LIN52: variants seen among roughly 807,000 people sequenced by gnomAD.
The protein encoded by LIN52 is protein lin-52 homolog.
A neutral mutation model predicts 18.5 loss-of-function variants in LIN52; 4 were observed. That is an observed-to-expected ratio of 0.22 (90% CI 0.11 to 0.49). LIN52 has a LOEUF of 0.49. LIN52 is among the 20% of genes least tolerant of loss of function. LIN52 has a pLI of 0.97. For synonymous variants in LIN52, 34 were observed against 45.5 expected, an observed-to-expected ratio of 0.75 and a Z score of 1.02; for missense variants, 102 against 139.5, an observed-to-expected ratio of 0.73 and a Z score of 1.35.
intron 5 of LIN52, among the ~76,000 whole-genome samples, chr14:74,110,884 T>C (rs569040634): frequency 2.7e-5 from 4 of 150,508 alleles, no homozygotes; most frequent in Non-Finnish European, 4.4e-5. Flanking sequence ...GAGAATGGCA[T>C]GAACCTGGGA....
chr14:74,119,236 A>C (rs1344875908), intron 5 of LIN52, among the ~76,000 whole-genome samples: 2 of 140,960 alleles, frequency 1.4e-5, no homozygotes, highest in African/African-American at 5.3e-5. Flanking sequence ...ATCTTGGCTC[A>C]CTGCAAGCTC....
intron 5 of LIN52, among the ~76,000 whole-genome samples, chr14:74,149,756 A>C (rs1467825324): frequency 6.6e-6 from 1 of 152,198 alleles, no homozygotes; most frequent in East Asian, 1.9e-4. Flanking sequence ...GATTAGGGTT[A>C]GAGAATGTTT....
intron 5 of LIN52, among the ~76,000 whole-genome samples, chr14:74,180,104 T>C (rs1166213226): frequency 1.3e-5 from 2 of 152,304 alleles, no homozygotes; most frequent in East Asian, 3.9e-4. Flanking sequence ...TCCAGTTTAC[T>C]GAAATAGGTT....
At chr14:74,166,208 C>A (rs917212535) in intron 5 of LIN52, among the ~76,000 whole-genome samples, 5 of 147,962 alleles carry the variant, frequency 3.4e-5, no homozygotes, top group African/African-American at 5.0e-5. Flanking sequence ...CTATTTTTAA[C>A]AATTAAGTTA....
intron 5 of LIN52, among the ~76,000 whole-genome samples, chr14:74,118,735 T>C (rs761094845): frequency 2.2e-4 from 33 of 152,084 alleles, no homozygotes; most frequent in Admixed American, 4.6e-4. Context: ...GATCACACCA[T>C]TGTACTCCAG....
chr14:74,126,780 G>C (rs2061032203), intron 5 of LIN52, among the ~76,000 whole-genome samples: 2 of 152,138 alleles, frequency 1.3e-5, no homozygotes, highest in African/African-American at 4.8e-5. Flanking sequence ...GATTTTTGTG[G>C]GGAAGGTGAA....
At chr14:74,123,573 G>A (rs2061011151) in intron 5 of LIN52, among the ~76,000 whole-genome samples, 1 of 152,128 alleles carries the variant, frequency 6.6e-6, no homozygotes, top group African/African-American at 2.4e-5. Flanking sequence ...TGATCCATAG[G>A]TTTTATTTAA....
intron 5 of LIN52, among the ~76,000 whole-genome samples, chr14:74,172,961 T>A (rs909301153): frequency 6.6e-6 from 1 of 152,142 alleles, no homozygotes; most frequent in African/African-American, 2.4e-5. Context: ...CTGTATAAAA[T>A]TGTATCCAAT....
chr14:74,165,551 G>C (rs141829062), intron 5 of LIN52, among the ~76,000 whole-genome samples: 1 of 127,054 alleles, frequency 7.9e-6, no homozygotes, highest in African/African-American at 3.2e-5. Context: ...CAGTCACCCA[G>C]ACTGAAGTAC....
At chr14:74,093,321 C>CTTTT (rs1295151671) in intron 2 of LIN52, among the ~76,000 whole-genome samples, 6 of 120,538 alleles carry the variant, frequency 5.0e-5, no homozygotes, top group Non-Finnish European at 7.0e-5. Flanking sequence ...TTCAATCACT[C>CTTTT]TTTTTTTTTT....
In LIN52 at chr14:74,172,203, A is replaced by G. The variant is rs567509209; in HGVS notation, c.284-26719A>G. 8.1e-4 allele frequency among the ~76,000 whole-genome samples: 124 copies of G among 152,252 alleles called. 1 individual carries two copies. The highest frequency in any genetic ancestry group is 2.4e-4 in the Non-Finnish European group (16 of 68,012). On this transcript the variant is annotated intron_variant, in intron 5 of 5. Coordinates refer to ENST00000555028, the MANE Select transcript of LIN52 (RefSeq NM_001024674.3). Reference sequence around the variant, plus strand: ...TTACAGCACTGTCATATTATATTATAATGGTATATGTATCTCTAGTCTGTG... The same window carrying G: ...TTACAGCACTGTCATATTATATTATGATGGTATATGTATCTCTAGTCTGTG...
intron 5 of LIN52, among the ~76,000 whole-genome samples, chr14:74,123,395 C>T (rs183358260): frequency 6.6e-6 from 1 of 152,096 alleles, no homozygotes; most frequent in East Asian, 1.9e-4. Context: ...GAATGAGGAA[C>T]CAAGAACAAT....
chr14:74,145,815 G>T (rs764831768), intron 5 of LIN52, among the ~76,000 whole-genome samples: 2 of 152,182 alleles, frequency 1.3e-5, no homozygotes, highest in South Asian at 2.1e-4. Flanking sequence ...GACAAAACAT[G>T]AAATGTTTTT....
chr14:74,168,396 C>T (rs111311393), intron 5 of LIN52, among the ~76,000 whole-genome samples: 9 of 152,280 alleles, frequency 5.9e-5, no homozygotes, highest in Admixed American at 2.6e-4. Context: ...TTGCCGGGCG[C>T]GGTGGCTCAC....
chr14:74,186,848 G>A (rs760785202), intron 5 of LIN52, among the ~76,000 whole-genome samples: 4 of 152,204 alleles, frequency 2.6e-5, no homozygotes, highest in Non-Finnish European at 5.9e-5. Context: ...GGAGGCCAAG[G>A]CTGTTGCATC....
chr14:74,109,499 A>G (rs2139899272), intron 5 of LIN52, among the ~76,000 whole-genome samples: 1 of 152,324 alleles, frequency 6.6e-6, no homozygotes, highest in South Asian at 2.1e-4. Context: ...GTAAATGTGA[A>G]GGTTTATTTC....
chr14:74,136,512 G>T (rs1385593791), intron 5 of LIN52, among the ~76,000 whole-genome samples: 1 of 152,186 alleles, frequency 6.6e-6, no homozygotes, highest in Non-Finnish European at 1.5e-5. Flanking sequence ...CTTCTGATAG[G>T]AGGGAAAATA....
intron 5 of LIN52, among the ~76,000 whole-genome samples, chr14:74,141,991 T>C (rs765551677): frequency 6.6e-6 from 1 of 152,208 alleles, no homozygotes; most frequent in Non-Finnish European, 1.5e-5. Flanking sequence ...CCTCATGAAC[T>C]TTAAGGGCCT....
intron 5 of LIN52, among the ~76,000 whole-genome samples, chr14:74,171,671 G>T (rs754006280): frequency 1.3e-5 from 2 of 150,620 alleles, no homozygotes; most frequent in Non-Finnish European, 3.0e-5. Context: ...CATAGACCTA[G>T]AAATAGGAAA....
Sources: allele counts gnomAD v4.1 joint callset (sites outside exome capture counted in the v4.1 genomes callset), GRCh38; gene constraint gnomAD v4.1.1; transcripts MANE v1.5; gene names NCBI Gene and HGNC (gene_info 2026-07-23, HGNC 2026-07-21).